The following RBFOX3 variants were observed in gnomAD, a reference collection of about 807,000 sequenced individuals.
The protein encoded by RBFOX3 is RNA binding protein fox-1 homolog 3.
A neutral mutation model predicts 48.7 loss-of-function variants in RBFOX3; 17 were observed. That is an observed-to-expected ratio of 0.35 (90% CI 0.24 to 0.52). RBFOX3 has a LOEUF of 0.52. RBFOX3 is among the 20% of genes least tolerant of loss of function. The pLI is 0.94. For synonymous variants in RBFOX3, 212 were observed against 209.5 expected (o/e 1.01, Z -0.10); for missense variants, 382 against 497.5 (o/e 0.77, Z 2.21).
At chr17:79,530,114 G>A (rs911828070) in intron 1 of RBFOX3, among the ~76,000 whole-genome samples, 2 of 152,186 alleles carry the variant, frequency 1.3e-5, no homozygotes, top group African/African-American at 4.8e-5. Context: ...TTAATGAGAT[G>A]AGGCAGCATC....
intron 2 of RBFOX3, among the ~76,000 whole-genome samples, chr17:79,374,243 G>A (rs1477557097): frequency 6.6e-6 from 1 of 152,192 alleles, no homozygotes; most frequent in South Asian, 2.1e-4. Flanking sequence ...GGCTGACGAG[G>A]AGAGTGGGCG....
At chr17:79,124,545 A>G (rs897119360) in intron 4 of RBFOX3, among the ~76,000 whole-genome samples, 2 of 152,244 alleles carry the variant, frequency 1.3e-5, no homozygotes, top group African/African-American at 4.8e-5. Flanking sequence ...AAGGGCTGGA[A>G]GGTGGTGAGC....
rs1387887082 is a variant in RBFOX3 at position 79,361,509 on chromosome 17, CCT to C, written c.-174-53687_-174-53686del. On this transcript the variant is annotated intron_variant, in intron 2 of 14. Transcript: ENST00000693108. This position sits in a 1 kb window ranked among gnomAD's most constrained non-coding sequence, Gnocchi z 4.5. Reference sequence around the variant, plus strand: ...AACACCCTGGCCACCACCTCCTGCCCCTGAGCCCGCGTGGCTCTCTGTGCCAC... The same window carrying C: ...AACACCCTGGCCACCACCTCCTGCCCGAGCCCGCGTGGCTCTCTGTGCCAC... Among the ~76,000 whole-genome samples, 1 of 152,198 alleles carries C rather than the reference CCT, an allele frequency of 6.6e-6. No individual in the cohort carries two copies. The highest frequency in any genetic ancestry group is 1.5e-5 in the Non-Finnish European group (1 of 68,030).
At chr17:79,155,941 C>A (rs73999874) in intron 4 of RBFOX3, among the ~76,000 whole-genome samples, 3,237 of 152,298 alleles carry the variant, frequency 0.021, 90 homozygotes, top group African/African-American at 0.073. Context: ...TTCAGCATCG[C>A]TGCCTCCCAG....
At chr17:79,261,680 G>A (rs1254834439) in intron 3 of RBFOX3, among the ~76,000 whole-genome samples, 1 of 152,232 alleles carries the variant, frequency 6.6e-6, no homozygotes, top group African/African-American at 2.4e-5. Flanking sequence ...CTGAGCAGCA[G>A]CTCGCACACA....
chr17:79,483,750 G>A (rs961675563), intron 1 of RBFOX3, among the ~76,000 whole-genome samples: 2 of 151,770 alleles, frequency 1.3e-5, no homozygotes, highest in Non-Finnish European at 2.9e-5. Flanking sequence ...CACATAGCTG[G>A]GGCTCACTCC....
intron 1 of RBFOX3, among the ~76,000 whole-genome samples, chr17:79,525,554 AC>A (rs1280040155): frequency 6.6e-6 from 1 of 152,022 alleles, no homozygotes; most frequent in Non-Finnish European, 1.5e-5. Flanking sequence ...ACTCTCTCTC[AC>A]CCCCATTCTA....
At chr17:79,502,391 G>GAC (rs550935920) in intron 1 of RBFOX3, among the ~76,000 whole-genome samples, 81,300 of 151,752 alleles carry the variant, frequency 0.54, 24,208 homozygotes, top group Non-Finnish European at 0.67. Context: ...AATGGAGACA[G>GAC]TTTCCATGGG....
intron 2 of RBFOX3, among the ~76,000 whole-genome samples, chr17:79,389,091 G>A (rs947102018): frequency 2.7e-5 from 4 of 148,280 alleles, no homozygotes; most frequent in African/African-American, 5.3e-5. Context: ...GGGACGAAGC[G>A]GTGGGCGCGG....
intron 3 of RBFOX3, among the ~76,000 whole-genome samples, chr17:79,288,728 C>T (rs1463660513): frequency 6.6e-6 from 1 of 152,132 alleles, no homozygotes; most frequent in East Asian, 1.9e-4. Flanking sequence ...GCGACATGCT[C>T]TCCTGGGATG....
chr17:79,339,942 G>GTCCTGCTGA (rs1487946742), intron 2 of RBFOX3, among the ~76,000 whole-genome samples: 10 of 152,318 alleles, frequency 6.6e-5, no homozygotes, highest in African/African-American at 2.4e-4. Context: ...GAGAAGCAGA[G>GTCCTGCTGA]TCCTGCTGAT....
At chr17:79,317,596 C>T (rs1422880453) in intron 2 of RBFOX3, among the ~76,000 whole-genome samples, 3 of 152,192 alleles carry the variant, frequency 2.0e-5, no homozygotes, top group East Asian at 1.9e-4. Context: ...GGATGTTTCT[C>T]CCCTGGACGT....
At chr17:79,269,084 G>A (rs1402686268) in intron 3 of RBFOX3, among the ~76,000 whole-genome samples, 1 of 152,124 alleles carries the variant, frequency 6.6e-6, no homozygotes, top group Non-Finnish European at 1.5e-5. Flanking sequence ...TCCAATCACT[G>A]GGGTCCTTCT....
At chr17:79,286,345 C>T (rs1343142085) in intron 3 of RBFOX3, among the ~76,000 whole-genome samples, 2 of 152,180 alleles carry the variant, frequency 1.3e-5, no homozygotes, top group Non-Finnish European at 2.9e-5. Context: ...TCCACGCCCC[C>T]GGCTGCCATC....
chr17:79,177,590 C>T (rs2050875746), intron 4 of RBFOX3, among the ~76,000 whole-genome samples: 1 of 152,202 alleles, frequency 6.6e-6, no homozygotes, highest in Non-Finnish European at 1.5e-5. Context: ...GGCACACTGG[C>T]ACACCCATGC....
At chr17:79,521,790 C>G (rs917010635) in intron 1 of RBFOX3, among the ~76,000 whole-genome samples, 3 of 152,206 alleles carry the variant, frequency 2.0e-5, no homozygotes, top group Admixed American at 6.5e-5. Context: ...TGTGGACACA[C>G]AAAAACACAC....
intron 3 of RBFOX3, among the ~76,000 whole-genome samples, chr17:79,262,547 TGCTCA>T (rs1428883660): frequency 2.0e-5 from 3 of 152,268 alleles, no homozygotes; most frequent in African/African-American, 7.2e-5. Context: ...TGCTGCTGTC[TGCTCA>T]GAGGGCAGGA....
rs1034642614 is a variant in RBFOX3 at position 79,243,722 on chromosome 17, G to A, written c.-73-7917C>T. Among the ~76,000 whole-genome samples the A allele has an allele frequency of 6.6e-6, 1 of 152,128 alleles. No individual in the cohort carries two copies. The highest frequency in any genetic ancestry group is 2.4e-5 in the African/African-American group (1 of 41,416). The stretch of plus-strand genomic sequence containing the variant: ...CCCAAGCTGTGCCACAGACACCATA[G>A]TGTATCCTCCACCTGTCCCTGGGTC... On this transcript the variant is annotated intron_variant, in intron 3 of 14. Transcript: ENST00000693108. The surrounding 1 kb of genome is among the most constrained non-coding windows in gnomAD (Gnocchi z 7.9).
chr17:79,135,497 C>T (rs1451470870), intron 4 of RBFOX3, among the ~76,000 whole-genome samples: 1 of 152,176 alleles, frequency 6.6e-6, no homozygotes. Context: ...ACAGGATGCC[C>T]CCTTCCCAAG....
Sources: allele counts gnomAD v4.1 joint callset (sites outside exome capture counted in the v4.1 genomes callset), GRCh38; gene constraint gnomAD v4.1.1; non-coding constraint Gnocchi (gnomAD v3.1); transcripts MANE v1.5; gene names NCBI Gene and HGNC (gene_info 2026-07-23, HGNC 2026-07-21).